DPP10: variants seen among roughly 807,000 people sequenced by gnomAD.
The protein encoded by DPP10 is dipeptidyl peptidase like 10.
A neutral mutation model predicts 120.9 loss-of-function variants in DPP10; 33 were observed. That is an observed-to-expected ratio of 0.27 (90% confidence interval 0.21 to 0.37). The LOEUF (loss-of-function observed/expected upper bound fraction) is 0.37, where lower values mean the gene tolerates loss of function less well. Ranked by LOEUF, DPP10 falls within the 10% of genes least tolerant of loss-of-function variation. The probability of loss-of-function intolerance (pLI) is 1.00; values close to 1 mark genes in which losing one functional copy is unlikely to be tolerated. For missense variants in DPP10, 816 were observed against 942.8 expected (o/e 0.87, Z 1.76); for synonymous variants, 337 against 326.1 (o/e 1.03, Z -0.36).
At chr2:115,651,439 G>A (rs560024794) in intron 5 of DPP10, among the ~76,000 whole-genome samples, 2 of 152,092 alleles carry the variant, frequency 1.3e-5, no homozygotes, top group South Asian at 4.1e-4. Context: ...AAAATGGTTT[G>A]CTCAAGTAGA....
chr2:115,088,750 CAA>C (rs70941027), intron 1 of DPP10, among the ~76,000 whole-genome samples: 16 of 65,040 alleles, frequency 2.5e-4, no homozygotes, highest in Admixed American at 2.4e-4. Context: ...CTGTGCCTGA[CAA>C]AAAAAAAAAA....
intron 3 of DPP10, among the ~76,000 whole-genome samples, chr2:115,365,571 T>C (rs2065031498): frequency 6.6e-6 from 1 of 151,354 alleles, no homozygotes; most frequent in South Asian, 2.1e-4. Context: ...TATGAAAGTA[T>C]TTTTTTTTCT....
At chr2:114,547,521 T>C (rs930373773) in intron 1 of DPP10, among the ~76,000 whole-genome samples, 5 of 152,140 alleles carry the variant, frequency 3.3e-5, no homozygotes, top group African/African-American at 1.2e-4. Flanking sequence ...ACAAATTTTG[T>C]AGCTGACCCT....
intron 19 of DPP10, among the ~76,000 whole-genome samples, chr2:115,800,865 G>A (rs1369160668): frequency 2.6e-5 from 4 of 151,970 alleles, no homozygotes; most frequent in African/African-American, 7.3e-5. Flanking sequence ...AAGTCAGGTA[G>A]CGTGATGCCT....
chr2:115,244,261 G>T (rs1212298830), intron 1 of DPP10, among the ~76,000 whole-genome samples: 5 of 147,858 alleles, frequency 3.4e-5, no homozygotes, highest in Admixed American at 6.8e-5. Flanking sequence ...GAGAGAGAGA[G>T]AGAGAGAGAG....
chr2:114,488,566 T>C (rs1294084958), intron 1 of DPP10, among the ~76,000 whole-genome samples: 2 of 152,208 alleles, frequency 1.3e-5, no homozygotes, highest in African/African-American at 4.8e-5. Flanking sequence ...TACAGAATTA[T>C]AGTACTTAAT....
At chr2:114,830,944 G>A (rs993542046) in intron 1 of DPP10, among the ~76,000 whole-genome samples, 8 of 140,394 alleles carry the variant, frequency 5.7e-5, no homozygotes, top group African/African-American at 8.0e-5. Flanking sequence ...CCCTTGTTTC[G>A]TGTTTGGCAC....
At chr2:114,537,074 G>A (rs1047582884) in intron 1 of DPP10, among the ~76,000 whole-genome samples, 1 of 152,168 alleles carries the variant, frequency 6.6e-6, no homozygotes, top group African/African-American at 2.4e-5. Flanking sequence ...ATTGGGTGAA[G>A]GGGCTCTACT....
At chr2:114,487,750 G>A (rs1681636086) in intron 1 of DPP10, among the ~76,000 whole-genome samples, 1 of 152,094 alleles carries the variant, frequency 6.6e-6, no homozygotes, top group South Asian at 2.1e-4. Flanking sequence ...AATATCAGAA[G>A]CTGATAAAAA....
chr2:115,828,876 AT>A (rs1559211677), intron 21 of DPP10, among the ~76,000 whole-genome samples: 1 of 152,102 alleles, frequency 6.6e-6, no homozygotes, highest in African/African-American at 2.4e-5. Flanking sequence ...CCATTTATCC[AT>A]TATATATGCT....
chr2:114,720,746 A>G (rs572227610), intron 1 of DPP10, among the ~76,000 whole-genome samples: 6 of 152,306 alleles, frequency 3.9e-5, no homozygotes, highest in Admixed American at 2.6e-4. Flanking sequence ...CATGAAATAT[A>G]CATTTCTTGG....
At chr2:114,942,706 G>T (rs893397916) in intron 1 of DPP10, among the ~76,000 whole-genome samples, 1 of 151,648 alleles carries the variant, frequency 6.6e-6, no homozygotes, top group Non-Finnish European at 1.5e-5. Flanking sequence ...TCTTATTATT[G>T]CCTTTTACTA....
At chr2:115,034,179 G>A (rs1378069084) in intron 1 of DPP10, among the ~76,000 whole-genome samples, 2 of 152,058 alleles carry the variant, frequency 1.3e-5, no homozygotes, top group African/African-American at 2.4e-5. Flanking sequence ...ACAGGTGTGA[G>A]CCACTGCTCC....
intron 5 of DPP10, among the ~76,000 whole-genome samples, chr2:115,541,604 T>C (rs1236505380): frequency 1.3e-5 from 2 of 151,912 alleles, no homozygotes; most frequent in African/African-American, 4.8e-5. Flanking sequence ...ATCTGCTGGA[T>C]AATAACAGAG....
intron 2 of DPP10, among the ~76,000 whole-genome samples, chr2:115,320,773 TTCTA>T (rs1195757554): frequency 7.2e-5 from 11 of 152,154 alleles, no homozygotes; most frequent in African/African-American, 2.7e-4. Flanking sequence ...AGACTGCCTT[TTCTA>T]TCTACCTAGG....
At chr2:115,502,200 CTTTTGGTTATGTAA>C in intron 4 of DPP10, among the ~76,000 whole-genome samples, 1 of 151,972 alleles carries the variant, frequency 6.6e-6, no homozygotes, top group Non-Finnish European at 1.5e-5. Context: ...TTGGTGTGTA[CTTTTGGTTATGTAA>C]TCATGGTTAG....
intron 1 of DPP10, among the ~76,000 whole-genome samples, chr2:115,093,507 A>G (rs911314647): frequency 6.6e-6 from 1 of 151,664 alleles, no homozygotes; most frequent in African/African-American, 2.4e-5. Context: ...TGTAAAGTTT[A>G]TCTATTTTTC....
chr2:114,982,076 G>T (rs1166473179), intron 1 of DPP10, among the ~76,000 whole-genome samples: 1 of 151,068 alleles, frequency 6.6e-6, no homozygotes, highest in South Asian at 2.1e-4. Flanking sequence ...TGTCTTTTTT[G>T]GTAGAGATGG....
intron 7 of DPP10, among the ~76,000 whole-genome samples, chr2:115,708,702 C>T (rs2092217414): frequency 6.6e-6 from 1 of 152,032 alleles, no homozygotes; most frequent in South Asian, 2.1e-4. Flanking sequence ...TCCCTGAAAG[C>T]ATAATGACAT....
Sources: gnomAD v4.1 joint callset for allele counts (sites outside exome capture counted in the v4.1 genomes callset) on GRCh38, gnomAD v4.1.1 for gene constraint, MANE v1.5 for transcripts, NCBI Gene and HGNC (gene_info 2026-07-23, HGNC 2026-07-21) for gene names.